The following NCAM2 variants were observed in gnomAD, a reference collection of about 807,000 sequenced individuals.
NCAM2 encodes N-CAM-2.
A neutral mutation model predicts 98.1 loss-of-function variants in NCAM2; 30 were observed. The ratio of observed to expected loss-of-function variants is 0.31; its 90% CI spans 0.23 to 0.41. NCAM2 has a LOEUF of 0.41. NCAM2 is among the 10% of genes least tolerant of loss of function. NCAM2 has a pLI of 1.00. For missense variants in NCAM2, 867 were observed against 1,005.8 expected, an observed-to-expected ratio of 0.86 and a Z score of 1.87; for synonymous variants, 368 against 342.4, an observed-to-expected ratio of 1.07 and a Z score of -0.83.
intron 1 of NCAM2, among the ~76,000 whole-genome samples, chr21:21,055,722 G>T (rs959023386): frequency 2.6e-5 from 4 of 152,034 alleles, no homozygotes; most frequent in Non-Finnish European, 5.9e-5. Flanking sequence ...TGAGATTTGG[G>T]ATTAGACTAA....
chr21:21,327,947 C>A (rs933624869), intron 6 of NCAM2, among the ~76,000 whole-genome samples: 3 of 152,072 alleles, frequency 2.0e-5, no homozygotes, highest in Non-Finnish European at 2.9e-5. Context: ...AAGGTTCCCC[C>A]CTTCATTTTC....
At chr21:21,326,029 A>G (rs1186536984) in intron 6 of NCAM2, among the ~76,000 whole-genome samples, 1 of 152,188 alleles carries the variant, frequency 6.6e-6, no homozygotes, top group Non-Finnish European at 1.5e-5. Context: ...AAGGAATGCT[A>G]TAAAATGTAA....
intron 9 of NCAM2, among the ~76,000 whole-genome samples, chr21:21,399,685 C>G (rs2076586929): frequency 6.6e-6 from 1 of 152,030 alleles, no homozygotes; most frequent in Non-Finnish European, 1.5e-5. Context: ...TATTCATGAC[C>G]TAGTGGAAAT....
At chr21:21,439,421 G>A (rs555494726) in intron 12 of NCAM2, among the ~76,000 whole-genome samples, 6 of 152,108 alleles carry the variant, frequency 3.9e-5, no homozygotes, top group South Asian at 2.1e-4. Context: ...GAGCCACTGC[G>A]CCCGGCCTTC....
intron 15 of NCAM2, among the ~76,000 whole-genome samples, chr21:21,491,352 A>C (rs1270909507): frequency 6.6e-6 from 1 of 151,766 alleles, no homozygotes; most frequent in Non-Finnish European, 1.5e-5. Context: ...CATTGCTAGC[A>C]AAAGTCCATA....
At chr21:21,314,735 A>G (rs1428587672) in intron 5 of NCAM2, among the ~76,000 whole-genome samples, 1 of 151,292 alleles carries the variant, frequency 6.6e-6, no homozygotes, top group Non-Finnish European at 1.5e-5. Flanking sequence ...TCTCTCTGTC[A>G]ATCAATTCAG....
intron 1 of NCAM2, among the ~76,000 whole-genome samples, chr21:21,241,723 A>G (rs1437197672): frequency 3.5e-5 from 1 of 28,406 alleles, no homozygotes; most frequent in Admixed American, 5.3e-4. Flanking sequence ...TTTTTTATTA[A>G]TAACATAATC....
intron 1 of NCAM2, among the ~76,000 whole-genome samples, chr21:21,228,706 T>C (rs2070493297): frequency 6.6e-6 from 1 of 151,446 alleles, no homozygotes; most frequent in Admixed American, 6.6e-5. Context: ...ATAAAACTCT[T>C]CATAGGAACC....
intron 1 of NCAM2, among the ~76,000 whole-genome samples, chr21:21,212,120 G>A (rs1433061036): frequency 6.6e-6 from 1 of 152,134 alleles, no homozygotes; most frequent in Non-Finnish European, 1.5e-5. Context: ...ATCCATAGCA[G>A]GTTTATTTGT....
At chr21:21,441,523 G>A (rs1979272664) in intron 12 of NCAM2, among the ~76,000 whole-genome samples, 1 of 152,118 alleles carries the variant, frequency 6.6e-6, no homozygotes, top group South Asian at 2.1e-4. Flanking sequence ...AAAATTATTT[G>A]CCCTTAAGGA....
At chr21:21,069,859 G>A (rs887471628) in intron 1 of NCAM2, among the ~76,000 whole-genome samples, 2 of 151,996 alleles carry the variant, frequency 1.3e-5, no homozygotes, top group African/African-American at 4.8e-5. Flanking sequence ...ATATCCTCTG[G>A]GGACCTTCTG....
intron 1 of NCAM2, among the ~76,000 whole-genome samples, chr21:21,128,808 C>T (rs374657480): frequency 7.2e-5 from 11 of 152,004 alleles, no homozygotes; most frequent in Non-Finnish European, 1.5e-4. Context: ...ATTAAATCTA[C>T]CTTGGAAATG....
intron 1 of NCAM2, among the ~76,000 whole-genome samples, chr21:21,025,738 G>T (rs940614266): frequency 2.0e-5 from 3 of 152,266 alleles, no homozygotes; most frequent in African/African-American, 7.2e-5. Flanking sequence ...CTGGGCAAAG[G>T]ATATGGTATT....
At chr21:21,105,457 G>A (rs1463474248) in intron 1 of NCAM2, among the ~76,000 whole-genome samples, 1 of 152,112 alleles carries the variant, frequency 6.6e-6, no homozygotes, top group Non-Finnish European at 1.5e-5. Context: ...GAAGCAAGTT[G>A]AGAGTTCTGC....
chr21:21,201,051 A>C lies in NCAM2; in HGVS notation c.56-79527A>C, dbSNP rs370415665. On this transcript the variant is annotated intron_variant, in intron 1 of 17. Transcript: ENST00000400546. ...AGCAGTTTGACAACAGAATGCCCTA[A>C]TGAAAGTGAAACTTAATGAGAGACT... is the stretch of plus-strand genomic sequence containing the variant. Among the ~76,000 whole-genome samples the C allele has an allele frequency of 5.3e-5, 8 of 152,230 alleles. No individual in the cohort carries two copies. In the East Asian group the frequency reaches 1.2e-3, roughly 22 times the overall value.
At chr21:21,535,441 A>G (rs1444862974) in intron 17 of NCAM2, among the ~76,000 whole-genome samples, 2 of 152,048 alleles carry the variant, frequency 1.3e-5, no homozygotes, top group African/African-American at 4.8e-5. Context: ...AACACCTAAT[A>G]TTTTCTTGCA....
chr21:21,362,179 A>C (rs1014122795), intron 8 of NCAM2, among the ~76,000 whole-genome samples: 2 of 152,084 alleles, frequency 1.3e-5, no homozygotes, highest in Non-Finnish European at 2.9e-5. Flanking sequence ...TTTGAACACA[A>C]CAGTGAGTTC....
intron 1 of NCAM2, among the ~76,000 whole-genome samples, chr21:21,149,056 G>A (rs8130364): frequency 0.97 from 147,674 of 152,248 alleles, 71,758 homozygotes; most frequent in East Asian, 1. Flanking sequence ...TCTGGACTCT[G>A]TTATGTTCCA....
intron 1 of NCAM2, among the ~76,000 whole-genome samples, chr21:21,273,872 C>T (rs1217661200): frequency 6.6e-6 from 1 of 151,842 alleles, no homozygotes; most frequent in Non-Finnish European, 1.5e-5. Context: ...AAAAGAATCA[C>T]TAAGAAGTTT....
Sources: allele counts gnomAD v4.1 joint callset (sites outside exome capture counted in the v4.1 genomes callset), GRCh38; gene constraint gnomAD v4.1.1; transcripts MANE v1.5; gene names NCBI Gene and HGNC (gene_info 2026-07-23, HGNC 2026-07-21).